The following LOC400499 variants were observed in gnomAD, a reference collection of about 807,000 sequenced individuals.
the LOC400499 span, among the ~76,000 whole-genome samples, chr16:11,498,803 G>C: frequency 6.6e-6 from 1 of 151,626 alleles, no homozygotes; most frequent in Non-Finnish European, 1.5e-5. Flanking sequence ...TCAGTGCTGT[G>C]TCCCAGACTA....
the LOC400499 span, chr16:11,392,131 C>T: frequency 4.3e-5 from 17 of 399,168 alleles, no homozygotes; most frequent in African/African-American, 2.5e-4. Flanking sequence ...AGGCTGGGGC[C>T]TCGCAGGAAT....
At chr16:11,481,744 T>C in the LOC400499 span, among the ~76,000 whole-genome samples, 1 of 152,194 alleles carries the variant, frequency 6.6e-6, no homozygotes, top group Non-Finnish European at 1.5e-5. Flanking sequence ...GTGATTCTCC[T>C]GCCTCAGCCT....
At chr16:11,508,262 G>C in the LOC400499 span, among the ~76,000 whole-genome samples, 2 of 152,174 alleles carry the variant, frequency 1.3e-5, no homozygotes, top group Non-Finnish European at 2.9e-5. Context: ...TCAGATTCTT[G>C]ATGATCACCA....
chr16:11,424,469 T>A, the LOC400499 span: 2 of 398,138 alleles, frequency 5.0e-6, no homozygotes, highest in Non-Finnish European at 8.8e-6. Flanking sequence ...CTCTAGAGCA[T>A]CCCCTGAGCC....
At chr16:11,499,769 C>T in the LOC400499 span, among the ~76,000 whole-genome samples, 6 of 152,130 alleles carry the variant, frequency 3.9e-5, no homozygotes, top group Non-Finnish European at 7.4e-5. Context: ...CTACCGATGC[C>T]ATCTGACTTG....
At chr16:11,428,729 G>A in the LOC400499 span, among the ~76,000 whole-genome samples, 1 of 152,132 alleles carries the variant, frequency 6.6e-6, no homozygotes. Context: ...TGGGAACGCA[G>A]CCCAGTAGGT....
chr16:11,446,593 G>C, the LOC400499 span: 1 of 1,536,084 alleles, frequency 6.5e-7, no homozygotes, highest in African/African-American at 1.4e-5. Flanking sequence ...TGTGTTCCTG[G>C]GGATGACTTT....
chr16:11,396,012 G>A, the LOC400499 span, among the ~76,000 whole-genome samples: 1 of 152,222 alleles, frequency 6.6e-6, no homozygotes. Context: ...GCTGCTGGGA[G>A]TAAGGAGGGG....
At chr16:11,462,338 C>A in the LOC400499 span, 1 of 1,439,090 alleles carries the variant, frequency 6.9e-7, no homozygotes, top group South Asian at 1.4e-5. Context: ...GGAGGACAGG[C>A]TTGGCCAGCA....
chr16:11,516,337 G>A, the LOC400499 span: 20 of 399,034 alleles, frequency 5.0e-5, no homozygotes, highest in African/African-American at 3.1e-4. Context: ...GGTCAAGCGG[G>A]ACCCTCCAGT....
the LOC400499 span, among the ~76,000 whole-genome samples, chr16:11,463,156 A>G: frequency 1.3e-5 from 2 of 152,194 alleles, no homozygotes; most frequent in Non-Finnish European, 2.9e-5. Context: ...GGGACAGCTC[A>G]CTACACACTC....
the LOC400499 span, among the ~76,000 whole-genome samples, chr16:11,421,395 G>C: frequency 5.9e-5 from 9 of 151,772 alleles, no homozygotes; most frequent in Admixed American, 5.9e-4. Flanking sequence ...ACTCACTCTG[G>C]TATTTTTTGT....
At chr16:11,385,862 T>C in the LOC400499 span, among the ~76,000 whole-genome samples, 1 of 152,184 alleles carries the variant, frequency 6.6e-6, no homozygotes. Context: ...TAGAAGCCAC[T>C]GAATCGTACA....
the LOC400499 span, chr16:11,390,171 G>A: frequency 1.6e-6 from 2 of 1,232,408 alleles, no homozygotes; most frequent in Non-Finnish European, 2.0e-6. Context: ...TGAGAACGTG[G>A]CCTCAGCCCA....
the LOC400499 span, among the ~76,000 whole-genome samples, chr16:11,504,665 G>C: frequency 1.3e-5 from 2 of 152,042 alleles, no homozygotes; most frequent in Non-Finnish European, 2.9e-5. Flanking sequence ...GCTCATGCCT[G>C]TAATGCCAGC....
At chr16:11,443,579 A>G in the LOC400499 span, 1 of 318,158 alleles carries the variant, frequency 3.1e-6, no homozygotes, top group African/African-American at 2.3e-5. Flanking sequence ...GCTCTCCCAG[A>G]GTATCAACTC....
the LOC400499 span, chr16:11,385,285 G>A: frequency 2.0e-5 from 25 of 1,232,162 alleles, no homozygotes; most frequent in African/African-American, 1.2e-4. Context: ...GAGCCTGTCC[G>A]ACTCAGCGTC....
At chr16:11,431,334 G>C in the LOC400499 span, 1 of 398,238 alleles carries the variant, frequency 2.5e-6, no homozygotes, top group Admixed American at 4.4e-5. Flanking sequence ...CTGGGACAAG[G>C]ACATAACCTC....
the LOC400499 span, chr16:11,439,674 T>A: frequency 2.5e-6 from 1 of 397,952 alleles, no homozygotes; most frequent in Non-Finnish European, 4.4e-6. Context: ...CATCCCAGAA[T>A]ATGCCCAAAG....
Sources: gnomAD v4.1 joint callset for allele counts (sites outside exome capture counted in the v4.1 genomes callset) on GRCh38, gnomAD v4.1.1 for gene constraint, MANE v1.5 for transcripts.